TRPV3: variants seen among roughly 807,000 people sequenced by gnomAD.
TRPV3 encodes the protein transient receptor potential cation channel subfamily V member 3.
TRPV3 carries 88 observed loss-of-function variants against 87.1 expected under a neutral mutation model. That is an observed-to-expected ratio of 1.01 (90% CI 0.85 to 1.21). TRPV3 has a LOEUF of 1.21. Among genes scored for constraint, TRPV3 ranks in the 50% most tolerant of loss-of-function variants. The probability of loss-of-function intolerance (pLI) is 0.00; values close to 1 mark genes in which losing one functional copy is unlikely to be tolerated. For synonymous variants in TRPV3, 438 were observed against 423.3 expected, an observed-to-expected ratio of 1.03 and a Z score of -0.43; for missense variants, 1,054 against 1,030.1, an observed-to-expected ratio of 1.02 and a Z score of -0.32.
At position 3,523,809 on chromosome 17, in the gene TRPV3, G is replaced by T. The variant is rs1303320849; in HGVS notation, c.1743+389C>A. On this transcript the variant is annotated intron_variant, in intron 13 of 17. Coordinates refer to ENST00000576742, the MANE Select transcript of TRPV3 (RefSeq NM_145068.4). ...ACTGCATGGTATATTTTCATTATTTGCAAATTGTGTGATACACATCGTTTA... is the reference window on the plus strand; with the variant it reads ...ACTGCATGGTATATTTTCATTATTTTCAAATTGTGTGATACACATCGTTTA... Among the ~76,000 whole-genome samples, 5 of 151,220 alleles carry T rather than the reference G, an allele frequency of 3.3e-5. No homozygotes were observed. In the East Asian group the frequency reaches 9.7e-4, roughly 29 times the overall value.
At chr17:3,547,088 AG>A (rs1168353074) in intron 2 of TRPV3, among the ~76,000 whole-genome samples, 2 of 152,160 alleles carry the variant, frequency 1.3e-5, no homozygotes, top group African/African-American at 2.4e-5. Flanking sequence ...AGCCACCTCC[AG>A]GTACAAAGGA....
chr17:3,525,166 C>T (rs538702555), intron 12 of TRPV3, among the ~76,000 whole-genome samples: 91 of 129,028 alleles, frequency 7.1e-4, no homozygotes, highest in Admixed American at 5.5e-3. Flanking sequence ...ATTACAGGCA[C>T]CCGCCACCAC....
intron 5 of TRPV3, 29 bp from the exon 6 acceptor site, chr17:3,542,727 A>G (rs777429937): frequency 1.9e-6 from 3 of 1,606,808 alleles, no homozygotes; most frequent in Non-Finnish European, 8.5e-7. Context: ...GTGGAGTTAC[A>G]GGAGGGCCCC....
Position 3,530,066 on chromosome 17 carries a change from GT to G in TRPV3, c.1202del (p.Asn401ThrfsTer20), listed in dbSNP as rs1477913490. The G allele has an allele frequency of 6.2e-7, 1 of 1,613,916 alleles. No individual in the cohort carries two copies. Among genetic ancestry groups the G allele is most frequent in the Non-Finnish European group, 8.5e-7 (1 of 1,179,950 alleles). The stretch of plus-strand genomic sequence containing the variant: ...TGTAGACAGTGATTTCCAGCACTGA[GT>G]TGTCCGTGGTGGTGTCCACGTTGGT... ...DLTNVDTTTD[N>X]SVLEITVYNT... On this transcript the variant is annotated frameshift_variant, in exon 9 of 18. Coordinates refer to ENST00000576742, the MANE Select transcript of TRPV3 (RefSeq NM_145068.4). LOFTEE classifies it high-confidence loss of function. The surrounding 1 kb of genome is among the most constrained non-coding windows in gnomAD (Gnocchi z 4.0).
intron 13 of TRPV3, among the ~76,000 whole-genome samples, chr17:3,521,559 C>T (rs1413233266): frequency 6.6e-6 from 1 of 152,114 alleles, no homozygotes; most frequent in African/African-American, 2.4e-5. Flanking sequence ...TCACCACACA[C>T]AAAGAAATGG....
intron 7 of TRPV3, 94 bp downstream of exon 7, chr17:3,535,479 C>T: frequency 7.7e-7 from 1 of 1,296,904 alleles, no homozygotes; most frequent in Non-Finnish European, 1.0e-6. Context: ...CTTCCCCCCT[C>T]CTCCCTTCTT....
chr17:3,543,714 C>T (rs185103895), intron 4 of TRPV3, 86 bp from the exon 5 acceptor site: 363 of 1,545,266 alleles, frequency 2.3e-4, no homozygotes, highest in East Asian at 5.6e-4. Flanking sequence ...GCCTACGGGG[C>T]GCTGCAGCTG....
At chr17:3,541,228 C>T (rs2640076) in intron 6 of TRPV3, among the ~76,000 whole-genome samples, 68,763 of 151,716 alleles carry the variant, frequency 0.45, 17,576 homozygotes, top group East Asian at 0.6. Flanking sequence ...ATTAGCCAGG[C>T]ATGGTGGCAG....
intron 13 of TRPV3, among the ~76,000 whole-genome samples, chr17:3,523,247 C>G (rs1274215917): frequency 6.6e-6 from 1 of 152,150 alleles, no homozygotes; most frequent in Non-Finnish European, 1.5e-5. Context: ...AAACTAGTAT[C>G]CAATTCAGCA....
At chr17:3,540,758 C>T (rs2074451337) in intron 6 of TRPV3, among the ~76,000 whole-genome samples, 1 of 152,220 alleles carries the variant, frequency 6.6e-6, no homozygotes, top group Admixed American at 6.5e-5. Flanking sequence ...GCTTGAGGCA[C>T]TGGCCTGAAC....
intron 15 of TRPV3, among the ~76,000 whole-genome samples, chr17:3,516,884 G>T (rs1019104497): frequency 6.6e-6 from 1 of 151,416 alleles, no homozygotes; most frequent in Non-Finnish European, 1.5e-5. Flanking sequence ...ACTGGCTCTT[G>T]CCTGTAATCC....
Position 3,556,311 on chromosome 17 carries a change from G to T in TRPV3, c.-3+1365C>A, listed in dbSNP as rs966014328. On this transcript the variant is annotated intron_variant, in intron 1 of 17. Coordinates refer to ENST00000576742, the MANE Select transcript of TRPV3 (RefSeq NM_145068.4). The surrounding 1 kb of genome is among the most constrained non-coding windows in gnomAD (Gnocchi z 4.2). ...AGGAGAGCGCGGGCTGCGTTGGGGGGTGGGGGAGACCAGAAGCCAGGGGCC... is the reference window on the plus strand; with the variant it reads ...AGGAGAGCGCGGGCTGCGTTGGGGGTTGGGGGAGACCAGAAGCCAGGGGCC... Among the ~76,000 whole-genome samples the T allele has an allele frequency of 6.6e-6, 1 of 152,036 alleles. No homozygotes were observed. Among genetic ancestry groups the T allele is most frequent in the Non-Finnish European group, 1.5e-5 (1 of 67,994 alleles).
chr17:3,529,122 T>C, intron 9 of TRPV3, 127 bp from the exon 10 acceptor site: 1 of 1,121,110 alleles, frequency 8.9e-7, no homozygotes, highest in South Asian at 1.4e-5. Context: ...GATGGACTGG[T>C]CTGGTTGGAA....
chr17:3,524,308 T>C lies in TRPV3; in HGVS notation c.1633A>G (p.Lys545Glu), dbSNP rs753470841. 5 of 1,614,108 alleles carry C rather than the reference T, an allele frequency of 3.1e-6. No homozygotes were observed. In the African/African-American group the frequency reaches 6.7e-5, roughly 22 times the overall value. Residue 545 changes from lysine (K) to glutamate (E), a missense_variant, in exon 13 of 18, where the codon AAA (lysine) becomes GAA (glutamate). Transcript: ENST00000576742. Reference sequence around the variant, plus strand: ...AGCACGAGGCAGGCGAGGTACTCTTTGTAGGCAAACAAGTACAAGAAGACA... The same window carrying C: ...AGCACGAGGCAGGCGAGGTACTCTTCGTAGGCAAACAAGTACAAGAAGACA... ...LSVFLYLFAY[K>E]EYLACLVLAM...
intron 16 of TRPV3, 71 bp downstream of exon 16, chr17:3,516,386 T>C (rs1387566509): frequency 2.5e-5 from 30 of 1,202,586 alleles, no homozygotes; most frequent in Non-Finnish European, 3.5e-5. Flanking sequence ...TTCTCTAACA[T>C]CCTGTCACCA....
At chr17:3,514,043 T>G (rs775547271) in intron 17 of TRPV3, 32 bp from the exon 18 acceptor site, 1 of 1,521,412 alleles carries the variant, frequency 6.6e-7, no homozygotes, top group Admixed American at 1.7e-5. Context: ...ATTTTAGAAA[T>G]ATATCACTCT....
rs2074117210 is a variant in TRPV3 at position 3,511,806 on chromosome 17, TTTATCCATAACAGATAC to T, written c.*2094_*2110del. 6.6e-6 allele frequency: 1 copy of T among 152,232 alleles called. No homozygotes were observed. The highest frequency in any genetic ancestry group is 1.5e-5 in the Non-Finnish European group (1 of 68,052). The allele number at this position is 152,232 out of a possible 1,614,324, so 9.4% of individuals were successfully genotyped here. Reference sequence around the variant, plus strand: ...GAGTCAAAGCAACTCTGGATACGGCTTTATCCATAACAGATACGGCTTTATCCATTAATGGATATGAC... The same window carrying T: ...GAGTCAAAGCAACTCTGGATACGGCTGGCTTTATCCATTAATGGATATGAC... On this transcript the variant is annotated 3_prime_UTR_variant, in exon 18 of 18. Transcript: ENST00000576742.
chr17:3,554,708 G>A lies in TRPV3; in HGVS notation c.119+24C>T, dbSNP rs199862494. 9.6e-5 allele frequency: 148 copies of A among 1,534,266 alleles called. No individual in the cohort carries two copies. In the African/African-American group the frequency reaches 1.3e-3, roughly 13 times the overall value. On this transcript the variant is annotated intron_variant, in intron 2 of 17. Transcript: ENST00000576742. ...CGTGCCCCTCACAGTGCCGCAGTCCGTGTCCCGAGCTCTCCAAACCCACCT... is the reference window on the plus strand; with the variant it reads ...CGTGCCCCTCACAGTGCCGCAGTCCATGTCCCGAGCTCTCCAAACCCACCT...
chr17:3,524,489 C>A, intron 12 of TRPV3, 126 bp from the exon 13 acceptor site: 1 of 1,200,080 alleles, frequency 8.3e-7, no homozygotes, highest in South Asian at 1.5e-5. Context: ...GCTGAAGAGA[C>A]CAGAATCACG....
Sources: allele counts gnomAD v4.1 joint callset (sites outside exome capture counted in the v4.1 genomes callset), GRCh38; gene constraint gnomAD v4.1.1; non-coding constraint Gnocchi (gnomAD v3.1); transcripts MANE v1.5; gene names NCBI Gene and HGNC (gene_info 2026-07-23, HGNC 2026-07-21).